Variants in RAB10 observed in about 807,000 individuals in gnomAD.
RAB10 encodes the protein RAB10, member RAS oncogene family, also known as ras-related protein Rab-10.
Under a neutral mutation model 25.7 loss-of-function variants are expected in RAB10, and 5 were observed. That is an observed-to-expected ratio of 0.19 (90% CI 0.10 to 0.41). The LOEUF is 0.41. Ranked by LOEUF, RAB10 falls within the 10% of genes least tolerant of loss-of-function variation. The probability of loss-of-function intolerance (pLI) is 1.00; values close to 1 mark genes in which losing one functional copy is unlikely to be tolerated. For missense variants in RAB10, 103 were observed against 245.8 expected, an observed-to-expected ratio of 0.42 and a Z score of 3.89; for synonymous variants, 89 against 86.4, an observed-to-expected ratio of 1.03 and a Z score of -0.16.
intron 1 of RAB10, among the ~76,000 whole-genome samples, chr2:26,035,724 T>A (rs1665751042): frequency 6.6e-6 from 1 of 152,200 alleles, no homozygotes; most frequent in Non-Finnish European, 1.5e-5. Context: ...GTTGAACCCA[T>A]TTTTAAATGT....
intron 1 of RAB10, among the ~76,000 whole-genome samples, chr2:26,052,923 T>C (rs1483789735): frequency 6.6e-6 from 1 of 152,238 alleles, no homozygotes; most frequent in African/African-American, 2.4e-5. Flanking sequence ...CTCTTACTGC[T>C]AAACCCTCCC....
intron 1 of RAB10, among the ~76,000 whole-genome samples, chr2:26,066,297 G>A (rs1361884323): frequency 6.6e-6 from 1 of 152,028 alleles, no homozygotes; most frequent in African/African-American, 2.4e-5. Context: ...GATTAATTTA[G>A]AAGAACAGTC....
intron 1 of RAB10, among the ~76,000 whole-genome samples, chr2:26,039,133 C>T (rs1409832353): frequency 1.3e-5 from 2 of 151,280 alleles, no homozygotes; most frequent in African/African-American, 4.9e-5. Context: ...AATTCTACTG[C>T]CTCAGCCTCC....
chr2:26,108,371 A>C (rs1231353115), intron 2 of RAB10, among the ~76,000 whole-genome samples: 1 of 152,248 alleles, frequency 6.6e-6, no homozygotes, highest in African/African-American at 2.4e-5. Flanking sequence ...CTTCAAGAGC[A>C]TTATGGTGAA....
At chr2:26,130,872 T>G (rs1033648702) in intron 5 of RAB10, among the ~76,000 whole-genome samples, 1 of 152,154 alleles carries the variant, frequency 6.6e-6, no homozygotes, top group African/African-American at 2.4e-5. Context: ...GTATTCACAA[T>G]CGAGTTAAAG....
chr2:26,068,107 C>T (rs1400213729), intron 1 of RAB10, among the ~76,000 whole-genome samples: 2 of 152,154 alleles, frequency 1.3e-5, no homozygotes, highest in Non-Finnish European at 2.9e-5. Context: ...GACATTTATA[C>T]TGCTACATGA....
intron 2 of RAB10, among the ~76,000 whole-genome samples, chr2:26,100,009 C>G (rs895306179): frequency 3.3e-5 from 5 of 152,314 alleles, no homozygotes; most frequent in African/African-American, 4.8e-5. Context: ...TATACCATCC[C>G]CCACCAGTTG....
chr2:26,055,817 C>T (rs1462010108), intron 1 of RAB10, among the ~76,000 whole-genome samples: 3 of 151,928 alleles, frequency 2.0e-5, no homozygotes, highest in Non-Finnish European at 4.4e-5. Context: ...AGCCACCATG[C>T]GCCTGGTCTG....
At chr2:26,071,813 G>A (rs562390874) in intron 1 of RAB10, among the ~76,000 whole-genome samples, 1 of 152,076 alleles carries the variant, frequency 6.6e-6, no homozygotes, top group African/African-American at 2.4e-5. Flanking sequence ...CCTGAAGTGA[G>A]CTGTGATTAC....
At chr2:26,133,400 GAAA>G (rs983914418) in intron 5 of RAB10, among the ~76,000 whole-genome samples, 4 of 152,016 alleles carry the variant, frequency 2.6e-5, no homozygotes, top group African/African-American at 9.7e-5. Flanking sequence ...GTTAGGAATA[GAAA>G]AAAACTAATC....
upstream of RAB10, among the ~76,000 whole-genome samples, chr2:26,033,754 G>A (rs944146204): frequency 1.4e-5 from 2 of 144,440 alleles, no homozygotes; most frequent in Non-Finnish European, 3.1e-5. Flanking sequence ...GCTGGGCTCT[G>A]TAAGGGTGTC....
chr2:26,105,945 A>G (rs1667456650), intron 2 of RAB10, among the ~76,000 whole-genome samples: 1 of 152,240 alleles, frequency 6.6e-6, no homozygotes, highest in Non-Finnish European at 1.5e-5. Flanking sequence ...TGTAGGCTCT[A>G]ATCATTTAGG....
intron 1 of RAB10, among the ~76,000 whole-genome samples, chr2:26,043,049 G>A (rs1665925933): frequency 6.6e-6 from 1 of 152,096 alleles, no homozygotes; most frequent in Admixed American, 6.6e-5. Context: ...AAACAATAGG[G>A]TGGTTTCTCA....
Position 26,034,473 on chromosome 2 carries a change from C to CCCG in RAB10, c.-134_-132dup. 8.2e-7 allele frequency: 1 copy of CCCG among 1,220,640 alleles called. No homozygotes were observed. The highest frequency in any genetic ancestry group is 1.5e-5 in the South Asian group (1 of 68,350). 75.6% of individuals were successfully genotyped at this position (1,220,640 alleles called of 1,614,324 possible). A position where few individuals can be genotyped will look rare whatever the true frequency, so the allele number is the denominator to read the frequency against. ...CTTCCTCAAAGCTGTTCGTAGGTCG[C>CCCG]CCGCGCCGTCTCGAGCCTTTTTCCC... is the stretch of plus-strand genomic sequence containing the variant. On this transcript the variant is annotated 5_prime_UTR_variant, in exon 1 of 6. Coordinates refer to ENST00000264710, the MANE Select transcript of RAB10 (RefSeq NM_016131.5).
chr2:26,114,099 TTAGA>T (rs1250562910), intron 3 of RAB10, among the ~76,000 whole-genome samples: 7 of 152,136 alleles, frequency 4.6e-5, no homozygotes, highest in Non-Finnish European at 1.0e-4. Context: ...ATCTAAATAA[TTAGA>T]TAGCCATTAT....
intron 5 of RAB10, among the ~76,000 whole-genome samples, chr2:26,132,276 G>A (rs918673219): frequency 3.3e-5 from 5 of 152,152 alleles, no homozygotes; most frequent in Non-Finnish European, 7.4e-5. Context: ...GTTTTGAGAC[G>A]GAATTTTGCC....
intron 1 of RAB10, among the ~76,000 whole-genome samples, chr2:26,087,464 G>A (rs909350296): frequency 1.3e-5 from 2 of 152,150 alleles, no homozygotes; most frequent in Non-Finnish European, 2.9e-5. Context: ...GTGCAATGGC[G>A]CAATCTCGGC....
chr2:26,068,446 T>C (rs930794958), intron 1 of RAB10, among the ~76,000 whole-genome samples: 25 of 152,204 alleles, frequency 1.6e-4, no homozygotes, highest in African/African-American at 2.4e-4. Context: ...TAAAGACTTA[T>C]CAAAGATGTG....
At position 26,034,322 on chromosome 2, in the gene RAB10, G is replaced by T. The variant is rs1167286473; in HGVS notation, c.-287G>T. ...CCCGTGGGAGCGTCCCGGCCGAGAA[G>T]CCCTGAGGGGGGAGGGGAGGCCATT... On this transcript the variant is annotated 5_prime_UTR_variant, in exon 1 of 6. Transcript: ENST00000264710. The T allele has an allele frequency of 9.4e-5, 53 of 562,820 alleles. No individual in the cohort carries two copies. The highest frequency in any genetic ancestry group is 4.7e-4 in the Middle Eastern group (1 of 2,126). 34.9% of individuals were successfully genotyped at this position (562,820 alleles called of 1,614,324 possible).
Sources: allele counts gnomAD v4.1 joint callset (sites outside exome capture counted in the v4.1 genomes callset), GRCh38; gene constraint gnomAD v4.1.1; transcripts MANE v1.5; gene names NCBI Gene and HGNC (gene_info 2026-07-23, HGNC 2026-07-21).